The following WASF1 variants were observed in gnomAD, a reference collection of about 807,000 sequenced individuals.
WASF1 encodes WASP family member 1.
A neutral mutation model predicts 50.5 loss-of-function variants in WASF1; 7 were observed. The ratio of observed to expected loss-of-function variants is 0.14; its 90% CI spans 0.08 to 0.26. The LOEUF is 0.26. WASF1 is among the 10% of genes least tolerant of loss of function. WASF1 has a pLI of 1.00. For synonymous variants in WASF1, 205 were observed against 244.0 expected, an observed-to-expected ratio of 0.84 and a Z score of 1.49; for missense variants, 470 against 694.7, an observed-to-expected ratio of 0.68 and a Z score of 3.64.
At chr6:110,151,443 A>G (rs1356403117) in intron 3 of WASF1, among the ~76,000 whole-genome samples, 1 of 152,228 alleles carries the variant, frequency 6.6e-6, no homozygotes, top group Non-Finnish European at 1.5e-5. Flanking sequence ...GGAAATAAAC[A>G]AGGTGGAGAT....
chr6:110,120,913 C>T (rs1308332220), intron 4 of WASF1, among the ~76,000 whole-genome samples: 2 of 152,052 alleles, frequency 1.3e-5, no homozygotes, highest in South Asian at 4.1e-4. Flanking sequence ...CTTTGACAAA[C>T]CTGACAAAAA....
intron 3 of WASF1, among the ~76,000 whole-genome samples, 157 bp from the exon 4 acceptor site, chr6:110,127,786 C>T (rs76921676): frequency 0.073 from 11,123 of 152,162 alleles, 554 homozygotes; most frequent in African/African-American, 0.14. Flanking sequence ...CCCTCTCTGC[C>T]TCCCTGAGAC....
In WASF1 at chr6:110,139,627, A is replaced by G. The variant is rs569637032; in HGVS notation, c.-28-11998T>C. Among the ~76,000 whole-genome samples the G allele has an allele frequency of 2.6e-4, 39 of 152,196 alleles. 1 individual carries two copies. Among genetic ancestry groups the G allele is most frequent in the African/African-American group, 8.7e-4 (36 of 41,516 alleles). Reference sequence around the variant, plus strand: ...GACTAGACTTTCTTCCTCCAGTCTTATATTTTCTCCTTGTCATTCCATCTA... The same window carrying G: ...GACTAGACTTTCTTCCTCCAGTCTTGTATTTTCTCCTTGTCATTCCATCTA... On this transcript the variant is annotated intron_variant, in intron 3 of 10. Coordinates refer to ENST00000392589, the MANE Select transcript of WASF1 (RefSeq NM_003931.3).
intron 3 of WASF1, among the ~76,000 whole-genome samples, chr6:110,153,740 C>T (rs1775927527): frequency 6.6e-6 from 1 of 150,394 alleles, no homozygotes; most frequent in Non-Finnish European, 1.5e-5. Flanking sequence ...CTGGTTTCTA[C>T]AATGTGCTGC....
chr6:110,177,641 T>C (rs1204832085), intron 2 of WASF1, among the ~76,000 whole-genome samples: 1 of 152,128 alleles, frequency 6.6e-6, no homozygotes, highest in Non-Finnish European at 1.5e-5. Context: ...GTGTCCATTT[T>C]GTAAATTGCA....
intron 4 of WASF1, among the ~76,000 whole-genome samples, chr6:110,115,713 T>C (rs1017646787): frequency 2.0e-5 from 3 of 152,134 alleles, no homozygotes; most frequent in Non-Finnish European, 2.9e-5. Context: ...GAGAACATCA[T>C]GAAAGTTTGG....
intron 3 of WASF1, among the ~76,000 whole-genome samples, chr6:110,150,739 T>TA (rs998047411): frequency 2.0e-5 from 3 of 152,078 alleles, no homozygotes; most frequent in African/African-American, 7.2e-5. Context: ...ATAAGTTCCT[T>TA]AAAAGGAGTA....
At chr6:110,176,385 T>C (rs964610501) in intron 2 of WASF1, among the ~76,000 whole-genome samples, 2 of 151,852 alleles carry the variant, frequency 1.3e-5, no homozygotes, top group Non-Finnish European at 2.9e-5. Flanking sequence ...AAGAAGAAAA[T>C]TGTTAATATT....
At chr6:110,165,594 T>C (rs1019877359) in intron 2 of WASF1, among the ~76,000 whole-genome samples, 4 of 151,818 alleles carry the variant, frequency 2.6e-5, no homozygotes, top group African/African-American at 9.7e-5. Context: ...TTTGAATTCA[T>C]CTATTTTATA....
At chr6:110,150,095 A>G (rs1475947309) in intron 3 of WASF1, among the ~76,000 whole-genome samples, 1 of 152,200 alleles carries the variant, frequency 6.6e-6, no homozygotes, top group East Asian at 1.9e-4. Context: ...AAGATTTTCA[A>G]TGGTATTTTG....
chr6:110,108,994 TG>T (rs1232965157), intron 5 of WASF1, among the ~76,000 whole-genome samples: 1 of 152,216 alleles, frequency 6.6e-6, no homozygotes, highest in Non-Finnish European at 1.5e-5. Flanking sequence ...CCTGCCATCA[TG>T]GGCCCCCACC....
chr6:110,143,997 C>T (rs1775404276), intron 3 of WASF1, among the ~76,000 whole-genome samples: 1 of 152,148 alleles, frequency 6.6e-6, no homozygotes, highest in African/African-American at 2.4e-5. Flanking sequence ...ATGACTGGGT[C>T]AAATGGTATT....
intron 4 of WASF1, among the ~76,000 whole-genome samples, chr6:110,115,960 A>G (rs1562166090): frequency 1.3e-5 from 2 of 152,206 alleles, no homozygotes; most frequent in Admixed American, 6.5e-5. Flanking sequence ...AAACCCAATT[A>G]GACAGCACAC....
intron 2 of WASF1, among the ~76,000 whole-genome samples, chr6:110,164,103 C>A (rs527865692): frequency 1.5e-4 from 22 of 151,626 alleles, no homozygotes; most frequent in Non-Finnish European, 2.8e-4. Flanking sequence ...CTATAAAACT[C>A]CTAGAAGGTA....
chr6:110,163,966 AG>A (rs1256918574), intron 2 of WASF1, among the ~76,000 whole-genome samples: 1 of 151,816 alleles, frequency 6.6e-6, no homozygotes, highest in East Asian at 1.9e-4. Context: ...GAGAAAAGAT[AG>A]TCTTTTCAAC....
At chr6:110,127,054 T>TA (rs1774448108) in intron 4 of WASF1, among the ~76,000 whole-genome samples, 1 of 152,204 alleles carries the variant, frequency 6.6e-6, no homozygotes, top group South Asian at 2.1e-4. Context: ...TTTGCTAATA[T>TA]AAAAATATTT....
chr6:110,155,240 C>T (rs887858476), intron 3 of WASF1, among the ~76,000 whole-genome samples: 3 of 151,988 alleles, frequency 2.0e-5, no homozygotes, highest in African/African-American at 7.2e-5. Context: ...CCTCGATATA[C>T]CAATATACCA....
Position 110,101,845 on chromosome 6 carries a change from C to T in WASF1, c.1265G>A (p.Gly422Glu), listed in dbSNP as rs763899611. The T allele has an allele frequency of 6.2e-7, 1 of 1,613,624 alleles. No individual in the cohort carries two copies. The highest frequency in any genetic ancestry group is 8.5e-7 in the Non-Finnish European group (1 of 1,179,866). Residue 422 changes from glycine to glutamate, a missense_variant, in exon 10 of 11, where the codon GGG (glycine) becomes GAG (glutamate). Gly to Glu is a moderately conservative substitution (Grantham distance 98). Transcript: ENST00000392589. ...AGGCGGTGGTGGGGGTGGAGGCAGC[C>T]CCTGAACTTCACCTTGTGGGAGTGG... ...VHPLPQGEVQ[G>E]LPPPPPPPPL...
At chr6:110,118,933 C>T (rs1406423657) in intron 4 of WASF1, among the ~76,000 whole-genome samples, 1 of 152,114 alleles carries the variant, frequency 6.6e-6, no homozygotes, top group East Asian at 1.9e-4. Context: ...CAACCTGCTC[C>T]TGAATGACTA....
Sources: gnomAD v4.1 joint callset for allele counts (sites outside exome capture counted in the v4.1 genomes callset) on GRCh38, gnomAD v4.1.1 for gene constraint, MANE v1.5 for transcripts, NCBI Gene and HGNC (gene_info 2026-07-23, HGNC 2026-07-21) for gene names.